GSTM2: variants seen among roughly 807,000 people sequenced by gnomAD.
The protein encoded by GSTM2 is GST class-mu 2.
GSTM2 carries 33 observed loss-of-function variants against 33.3 expected under a neutral mutation model. The observed-to-expected ratio is 0.99, with a 90% CI of 0.75 to 1.33. The LOEUF (loss-of-function observed/expected upper bound fraction) is 1.33. Ranked by LOEUF, GSTM2 falls within the 40% of genes most tolerant of loss-of-function variation. The pLI, the probability that GSTM2 is intolerant of heterozygous loss-of-function variation, is 0.00. For synonymous variants in GSTM2, 93 were observed against 95.6 expected (o/e 0.97, Z 0.16); for missense variants, 213 against 265.8 (o/e 0.80, Z 1.38).
intron 7 of GSTM2, chr1:109,673,352 A>T: frequency 7.0e-7 from 1 of 1,424,138 alleles, no homozygotes; most frequent in Non-Finnish European, 9.6e-7. Context: ...CTGCAGGCAG[A>T]GCAGCCTGTG....
intron 7 of GSTM2, among the ~76,000 whole-genome samples, chr1:109,673,852 GC>G (rs1488402240): frequency 6.6e-6 from 1 of 152,198 alleles, no homozygotes; most frequent in African/African-American, 2.4e-5. Context: ...ACTCGTCTCG[GC>G]CTTCCAAAGT....
At chr1:109,673,380 G>T in intron 7 of GSTM2, 1 of 1,150,838 alleles carries the variant, frequency 8.7e-7, no homozygotes, top group Non-Finnish European at 1.2e-6. Flanking sequence ...TGCTGAACTT[G>T]TTTGAGAGCA....
chr1:109,679,074 T>C (rs1230967009), downstream of GSTM2, among the ~76,000 whole-genome samples: 3 of 152,166 alleles, frequency 2.0e-5, no homozygotes. Context: ...AATAACTTAA[T>C]TTATGGTGCC....
intron 7 of GSTM2, among the ~76,000 whole-genome samples, chr1:109,672,293 G>A (rs1013388957): frequency 2.6e-5 from 4 of 151,688 alleles, no homozygotes; most frequent in Admixed American, 2.6e-4. Flanking sequence ...ACAAAAAAAA[G>A]AAGAAAAGAA....
chr1:109,669,791 C>T (rs1647465461), intron 5 of GSTM2: 1 of 541,210 alleles, frequency 1.8e-6, no homozygotes, highest in Admixed American at 3.2e-5. Context: ...CAGTTTCTTC[C>T]TTCCGGTGGG....
rs1245142388 is a variant in GSTM2 at position 109,671,109 on chromosome 1, CA to C, written c.361-177del. On this transcript the variant is annotated intron_variant, in intron 5 of 7. Transcript: ENST00000241337. ...TCACCTCAGAAAGACTCCAGCTACC[CA>C]GTTGGAGTCTAATAAATGCTGATGT... The C allele has an allele frequency of 3.6e-5, 22 of 608,592 alleles. No individual in the cohort carries two copies. The Admixed American group carries it at 4.9e-4, about 13-fold the overall frequency. 37.7% of individuals were successfully genotyped at this position (608,592 alleles called of 1,614,324 possible). A position where few individuals can be genotyped will look rare whatever the true frequency, so the allele number is the denominator to read the frequency against.
chr1:109,669,113 G>C, intron 3 of GSTM2, 124 bp downstream of exon 3: 1 of 1,284,000 alleles, frequency 7.8e-7, no homozygotes, highest in Non-Finnish European at 1.1e-6. Flanking sequence ...ACTCTTGGCT[G>C]TCTACACAGC....
chr1:109,673,257 TCTC>T, intron 7 of GSTM2: 2 of 1,611,512 alleles, frequency 1.2e-6, no homozygotes, highest in Non-Finnish European at 8.5e-7. Context: ...TCACTGACCT[TCTC>T]CTCTGCATGA....
chr1:109,669,696 A>G, intron 5 of GSTM2, 125 bp downstream of exon 5: 2 of 654,754 alleles, frequency 3.1e-6, no homozygotes, highest in East Asian at 5.5e-5. Context: ...TCTAAGAATG[A>G]AGCCGCGGTC....
intron 7 of GSTM2, 137 bp downstream of exon 7, chr1:109,671,720 C>A: frequency 1.4e-6 from 1 of 703,768 alleles, no homozygotes; most frequent in Middle Eastern, 3.7e-4. Context: ...GTAATCTCAG[C>A]GCTTTGGAGG....
intron 7 of GSTM2, chr1:109,673,593 G>A: frequency 3.4e-6 from 1 of 293,388 alleles, no homozygotes; most frequent in African/African-American, 2.2e-5. Flanking sequence ...AGGGATGGAG[G>A]AGAGCTGAGA....
chr1:109,677,074 C>A (rs1436638642), downstream of GSTM2, among the ~76,000 whole-genome samples: 1 of 149,418 alleles, frequency 6.7e-6, no homozygotes, highest in African/African-American at 2.4e-5. Context: ...CACATGGCCA[C>A]TAAGCTCATG....
At chr1:109,671,684 T>C in intron 7 of GSTM2, 101 bp downstream of exon 7, 1 of 838,092 alleles carries the variant, frequency 1.2e-6, no homozygotes, top group Non-Finnish European at 2.1e-6. Flanking sequence ...ACTCACATTT[T>C]TGGCCATGTG....
At chr1:109,677,485 T>G (rs1469732323), downstream of GSTM2, among the ~76,000 whole-genome samples, 3 of 152,234 alleles carry the variant, frequency 2.0e-5, no homozygotes, top group Non-Finnish European at 4.4e-5. Context: ...AAAATAAACA[T>G]GCTAACGCTA....
intron 7 of GSTM2, chr1:109,673,629 C>T (rs1041030573): frequency 1.7e-4 from 36 of 210,948 alleles, no homozygotes; most frequent in South Asian, 2.9e-4. Flanking sequence ...GTGCCAGGGT[C>T]AAGCCTGTCA....
Position 109,674,783 on chromosome 1 carries a change from C to G in GSTM2, c.604C>G (p.Arg202Gly). ...GATCTCTGCCTACATGAAGTCCAGC[C>G]GCTTCCTCCCAAGACCTGTGTTCAC... ...EKISAYMKSSRFLPRPVFTKM... is the reference protein window; with the variant it reads ...EKISAYMKSSGFLPRPVFTKM... Residue 202 changes from arginine to glycine, a missense_variant, in exon 8 of 8, where the codon CGC becomes GGC. By Grantham distance (125) the Arg-to-Gly change is moderately radical. Coordinates refer to ENST00000241337, the MANE Select transcript of GSTM2 (RefSeq NM_000848.4). The G allele has an allele frequency of 6.2e-7, 1 of 1,614,222 alleles. No homozygotes were observed. Among genetic ancestry groups the G allele is most frequent in the Non-Finnish European group, 8.5e-7 (1 of 1,180,046 alleles).
At chr1:109,671,035 C>T in intron 5 of GSTM2, 1 of 480,306 alleles carries the variant, frequency 2.1e-6, no homozygotes, top group South Asian at 2.9e-5. Flanking sequence ...GTTGGGAGGT[C>T]AGTGGGGACA....
At chr1:109,681,531 TATC>T (rs1647856733) in intron 7 of GSTM2, among the ~76,000 whole-genome samples, 1 of 148,644 alleles carries the variant, frequency 6.7e-6, no homozygotes. Context: ...ATAATATAAG[TATC>T]ATTAATACCT....
rs1038148426 is a variant in GSTM2 at position 109,671,109 on chromosome 1, C to T, written c.361-178C>T. The T allele has an allele frequency of 1.6e-5, 10 of 608,592 alleles. No individual in the cohort carries two copies. The African/African-American group carries it at 1.9e-4, about 11-fold the overall frequency. 37.7% of individuals were successfully genotyped at this position (608,592 alleles called of 1,614,324 possible). ...TCACCTCAGAAAGACTCCAGCTACC[C>T]AGTTGGAGTCTAATAAATGCTGATG... On this transcript the variant is annotated intron_variant, in intron 5 of 7. Coordinates refer to ENST00000241337, the MANE Select transcript of GSTM2 (RefSeq NM_000848.4).
Sources: allele counts gnomAD v4.1 joint callset (sites outside exome capture counted in the v4.1 genomes callset), GRCh38; gene constraint gnomAD v4.1.1; transcripts MANE v1.5; gene names NCBI Gene and HGNC (gene_info 2026-07-23, HGNC 2026-07-21).